Variants in DACH2 observed in about 807,000 individuals in gnomAD.
DACH2 encodes the protein dachshund homolog 2.
In DACH2, 17 loss-of-function variants were observed where a neutral mutation model predicts 35.8. That is an observed-to-expected ratio of 0.48 (90% CI 0.33 to 0.71). The LOEUF (loss-of-function observed/expected upper bound fraction) is 0.71. DACH2 is among the 30% of genes least tolerant of loss of function. The pLI, the probability that DACH2 is intolerant of heterozygous loss-of-function variation, is 0.02. For synonymous variants in DACH2, 195 were observed against 177.3 expected, an observed-to-expected ratio of 1.10 and a Z score of -0.79; for missense variants, 469 against 472.7, an observed-to-expected ratio of 0.99 and a Z score of 0.07.
chrX:86,491,382 A>G (rs906295416), intron 2 of DACH2, among the ~76,000 whole-genome samples: 1 of 111,978 alleles, frequency 8.9e-6, no homozygotes, highest in Non-Finnish European at 1.9e-5. Context: ...TTGAAATACA[A>G]GGACCTCTAA....
At chrX:86,339,573 G>A (rs1169152453) in intron 1 of DACH2, among the ~76,000 whole-genome samples, 1 of 111,337 alleles carries the variant, frequency 9.0e-6, no homozygotes, top group African/African-American at 3.3e-5. Context: ...TTACAGATAA[G>A]GAACCTGAGG....
chrX:86,421,686 C>A (rs1455594992), intron 2 of DACH2, among the ~76,000 whole-genome samples: 2 of 111,234 alleles, frequency 1.8e-5, no homozygotes, highest in Non-Finnish European at 3.8e-5. Flanking sequence ...ATTTTAAAAA[C>A]CTTTTGTAGT....
chrX:86,203,935 G>T (rs1174326708), intron 1 of DACH2, among the ~76,000 whole-genome samples: 1 of 111,616 alleles, frequency 9.0e-6, no homozygotes, highest in Non-Finnish European at 1.9e-5. Context: ...CACGGAGAAG[G>T]AGTTAAACTT....
intron 3 of DACH2, among the ~76,000 whole-genome samples, chrX:86,608,586 T>G (rs925616726): frequency 1.8e-5 from 2 of 112,145 alleles, no homozygotes; most frequent in Admixed American, 9.4e-5. Context: ...TCTATTTTCT[T>G]TCTGATTGAA....
intron 1 of DACH2, among the ~76,000 whole-genome samples, chrX:86,317,398 A>G (rs1311129050): frequency 2.7e-5 from 3 of 111,876 alleles, no homozygotes; most frequent in African/African-American, 9.8e-5. Flanking sequence ...GATTTTCTAC[A>G]TTACCCATCC....
chrX:86,342,823 T>A (rs1164600903), intron 1 of DACH2, among the ~76,000 whole-genome samples: 4 of 109,135 alleles, frequency 3.7e-5, no homozygotes, highest in Non-Finnish European at 5.7e-5. Context: ...ATTAATTAAT[T>A]AATTAAAAAG....
At chrX:86,173,100 A>G in intron 1 of DACH2, among the ~76,000 whole-genome samples, 1 of 111,978 alleles carries the variant, frequency 8.9e-6, no homozygotes, top group Non-Finnish European at 1.9e-5. Context: ...ATGCTTTCAG[A>G]AAGATTTTAA....
At chrX:86,471,775 G>A (rs1167194643) in intron 2 of DACH2, among the ~76,000 whole-genome samples, 4 of 111,107 alleles carry the variant, frequency 3.6e-5, no homozygotes, top group African/African-American at 1.3e-4. Context: ...TTAAAATTCT[G>A]GTTAGATAGG....
At chrX:86,310,783 A>G (rs1243640484) in intron 1 of DACH2, among the ~76,000 whole-genome samples, 1 of 111,652 alleles carries the variant, frequency 9.0e-6, no homozygotes, top group African/African-American at 3.3e-5. Flanking sequence ...AAAACTGTGA[A>G]GATATTTGTA....
At chrX:86,755,844 G>A (rs1283887839) in intron 7 of DACH2, among the ~76,000 whole-genome samples, 4 of 110,038 alleles carry the variant, frequency 3.6e-5, no homozygotes, top group African/African-American at 9.9e-5. Context: ...TGATCCACCC[G>A]CCTCAGCCTC....
intron 7 of DACH2, among the ~76,000 whole-genome samples, chrX:86,780,711 T>A (rs1251515711): frequency 3.6e-5 from 4 of 111,448 alleles, no homozygotes; most frequent in African/African-American, 9.8e-5. Flanking sequence ...AAGCAGTTCT[T>A]TTCGAGTGTA....
At chrX:86,193,758 C>T (rs2031897086) in intron 1 of DACH2, among the ~76,000 whole-genome samples, 1 of 110,651 alleles carries the variant, frequency 9.0e-6, no homozygotes, top group African/African-American at 3.3e-5. Flanking sequence ...TTGCCCTTAC[C>T]AATTTTTAAG....
Position 86,826,713 on chromosome X carries a change from A to G in DACH2, c.1751-5393A>G, listed in dbSNP as rs150614956. On this transcript the variant is annotated intron_variant, in intron 11 of 11. Transcript: ENST00000373125. ...TGTTCTGAACATATTTCCACAACTAAAGTTGAGTTTCTACAATTAATTCTA... is the reference window on the plus strand; with the variant it reads ...TGTTCTGAACATATTTCCACAACTAGAGTTGAGTTTCTACAATTAATTCTA... 4.2e-3 allele frequency among the ~76,000 whole-genome samples: 469 copies of G among 112,100 alleles called. 1 individual carries two copies. Among genetic ancestry groups the G allele is most frequent in the African/African-American group, 0.013 (417 of 30,945 alleles).
intron 5 of DACH2, among the ~76,000 whole-genome samples, chrX:86,699,294 A>G (rs1294016999): frequency 8.9e-6 from 1 of 112,344 alleles, no homozygotes; most frequent in African/African-American, 3.2e-5. Context: ...TCTAAGATAG[A>G]CCATGGATTA....
At position 86,408,611 on chromosome X, in the gene DACH2, AC is replaced by A. The variant is rs772493915; in HGVS notation, c.527+31750del. Among the ~76,000 whole-genome samples, 6 of 112,127 alleles carry A rather than the reference AC, an allele frequency of 5.4e-5. No homozygotes were observed. The East Asian group carries it at 1.4e-3, about 26-fold the overall frequency. On this transcript the variant is annotated intron_variant, in intron 2 of 11. Coordinates refer to ENST00000373125, the MANE Select transcript of DACH2 (RefSeq NM_053281.3). Reference sequence around the variant, plus strand: ...ATTGGAAATTTGTTATGCTAACCTCACAAGTAATTCAGCTACATTTGTATGA... The same window carrying A: ...ATTGGAAATTTGTTATGCTAACCTCAAAGTAATTCAGCTACATTTGTATGA...
intron 6 of DACH2, among the ~76,000 whole-genome samples, chrX:86,732,992 C>A (rs1410123493): frequency 9.0e-6 from 1 of 111,223 alleles, no homozygotes; most frequent in Non-Finnish European, 1.9e-5. Flanking sequence ...AGATTATGAG[C>A]CTGATGGGGG....
intron 3 of DACH2, among the ~76,000 whole-genome samples, chrX:86,596,935 A>G (rs1455611991): frequency 9.0e-6 from 1 of 111,311 alleles, no homozygotes; most frequent in Non-Finnish European, 1.9e-5. Context: ...TTGAAAGTCA[A>G]TTAACCACAT....
chrX:86,517,527 C>T (rs5923547), intron 3 of DACH2, among the ~76,000 whole-genome samples: 33,655 of 107,357 alleles, frequency 0.31, 4,531 homozygotes, highest in Middle Eastern at 0.44. Context: ...CGCCATTCTC[C>T]TGCCTCAGCC....
At chrX:86,576,144 C>T (rs773930956) in intron 3 of DACH2, among the ~76,000 whole-genome samples, 1 of 111,807 alleles carries the variant, frequency 8.9e-6, no homozygotes, top group Non-Finnish European at 1.9e-5. Context: ...AAGAAGATAG[C>T]ATTTGTCCTT....
Sources: allele counts gnomAD v4.1 joint callset (sites outside exome capture counted in the v4.1 genomes callset), GRCh38; gene constraint gnomAD v4.1.1; transcripts MANE v1.5; gene names NCBI Gene and HGNC (gene_info 2026-07-23, HGNC 2026-07-21).